A2ML1: variants seen among roughly 807,000 people sequenced by gnomAD.
A2ML1 encodes alpha-2-macroglobulin like 1.
In A2ML1, 161 loss-of-function variants were observed where a neutral mutation model predicts 181.9. That is an observed-to-expected ratio of 0.89 (90% CI 0.78 to 1.01). The LOEUF is 1.01. A2ML1 is among the 50% of genes least tolerant of loss of function. The pLI, the probability that A2ML1 is intolerant of heterozygous loss-of-function variation, is 0.00. For synonymous variants in A2ML1, 663 were observed against 666.8 expected, an observed-to-expected ratio of 0.99 and a Z score of 0.09; for missense variants, 1,670 against 1,768.1, an observed-to-expected ratio of 0.94 and a Z score of 1.00.
chr12:8,886,541 G>A (rs1476600356), exon 8 of A2ML1: 4 of 151,966 alleles, frequency 2.6e-5, no homozygotes, highest in Non-Finnish European at 5.9e-5. Context: ...CAATTGTGTG[G>A]TCCATGAACA....
In A2ML1 at chr12:8,850,108, A is replaced by C. The variant is rs374561104; in HGVS notation, c.2120-52A>C. ...TAATCCCTCCATCCCAATTTATGTCACAACAAGAAGTCTCCTGTTTCCTAA... is the reference window on the plus strand; with the variant it reads ...TAATCCCTCCATCCCAATTTATGTCCCAACAAGAAGTCTCCTGTTTCCTAA... On this transcript the variant is annotated intron_variant, in intron 17 of 35. Transcript: ENST00000299698. The C allele has an allele frequency of 5.6e-5, 78 of 1,398,100 alleles. 1 individual carries two copies. The African/African-American group carries it at 1.1e-3, about 20-fold the overall frequency. 86.6% of individuals were successfully genotyped at this position (1,398,100 alleles called of 1,614,324 possible).
chr12:8,832,620 G>A (rs73036986), intron 4 of A2ML1, among the ~76,000 whole-genome samples: 3,586 of 152,156 alleles, frequency 0.024, 77 homozygotes, highest in African/African-American at 0.062. Context: ...TTGCAAAGGC[G>A]GCTTCAGTCC....
In A2ML1 at chr12:8,863,843, C is replaced by A; in HGVS notation, c.3552C>A (p.Ser1184Arg). ...AACCTACTCCATCATCGAACGCCAG[C>A]CCTTGGTCTGAGCCTGCGGCTGTAG... Reference protein sequence around the residue: ...SQKPTPSSNASPWSEPAAVDV... With the variant: ...SQKPTPSSNARPWSEPAAVDV... The change falls in exon 29 of 36, where the codon AGC becomes AGA. Residue 1184 changes from serine (S) to arginine (R), a missense_variant. Coordinates refer to ENST00000299698, the MANE Select transcript of A2ML1 (RefSeq NM_144670.6). 1 of 1,614,234 alleles carries A rather than the reference C, an allele frequency of 6.2e-7. No individual in the cohort carries two copies. Among genetic ancestry groups the A allele is most frequent in the South Asian group, 1.1e-5 (1 of 91,088 alleles).
intron 3 of A2ML1, among the ~76,000 whole-genome samples, chr12:8,825,410 A>G (rs905095791): frequency 6.6e-6 from 1 of 152,210 alleles, no homozygotes; most frequent in Admixed American, 6.5e-5. Context: ...AGAAATGTCT[A>G]TTCAGATCTT....
chr12:8,858,645 G>A (rs1228525424), intron 26 of A2ML1, among the ~76,000 whole-genome samples: 3 of 152,124 alleles, frequency 2.0e-5, no homozygotes, highest in African/African-American at 7.2e-5. Flanking sequence ...CCCAGATCAG[G>A]AGCATTGGCA....
At chr12:8,827,435 TCTTTA>T (rs1302673366) in intron 3 of A2ML1, among the ~76,000 whole-genome samples, 2 of 152,230 alleles carry the variant, frequency 1.3e-5, no homozygotes, top group African/African-American at 4.8e-5. Flanking sequence ...CTCAACCTCC[TCTTTA>T]AAGTCAATAC....
intron 33 of A2ML1, among the ~76,000 whole-genome samples, chr12:8,870,624 T>C (rs990895947): frequency 2.0e-5 from 3 of 152,206 alleles, no homozygotes; most frequent in African/African-American, 7.2e-5. Flanking sequence ...CACTACCCTG[T>C]AATCATGATG....
intron 33 of A2ML1, among the ~76,000 whole-genome samples, chr12:8,872,544 GGC>G (rs1944661637): frequency 6.6e-6 from 1 of 151,992 alleles, no homozygotes; most frequent in Non-Finnish European, 1.5e-5. Context: ...CACTTTGGGA[GGC>G]CGAGGCGGGT....
At chr12:8,836,469 C>A in intron 7 of A2ML1, 130 bp downstream of exon 7, 1 of 572,896 alleles carries the variant, frequency 1.7e-6, no homozygotes, top group Non-Finnish European at 3.0e-6. Flanking sequence ...AGAGTCATGG[C>A]TTATCCAAGA....
At chr12:8,868,841 T>C (rs1944523609) in intron 32 of A2ML1, among the ~76,000 whole-genome samples, 1 of 152,104 alleles carries the variant, frequency 6.6e-6, no homozygotes, top group Non-Finnish European at 1.5e-5. Flanking sequence ...TATGTGATTA[T>C]ATATATGTGT....
rs1036937117 is a variant in A2ML1 at position 8,861,356 on chromosome 12, T to C, written c.3502+59T>C. 9 of 1,570,568 alleles carry C rather than the reference T, an allele frequency of 5.7e-6. No individual in the cohort carries two copies. The East Asian group carries it at 9.0e-5, about 16-fold the overall frequency. ...GTGAACATAAGCTGTGAGTTATCTA[T>C]AATCTCCCTAGTAACCTCTGTCCCA... is the stretch of plus-strand genomic sequence containing the variant. On this transcript the variant is annotated intron_variant, in intron 28 of 35. Transcript: ENST00000299698.
At chr12:8,837,683 C>G in intron 8 of A2ML1, 117 bp downstream of exon 8, 1 of 1,144,158 alleles carries the variant, frequency 8.7e-7, no homozygotes, top group Non-Finnish European at 1.2e-6. Flanking sequence ...AGTTTGAGAC[C>G]AGCCTGACCA....
chr12:8,883,535 T>TGGCACGATCTTGGCTCACTGCAAC (rs1407361702), intron 7 of A2ML1, among the ~76,000 whole-genome samples: 4 of 152,152 alleles, frequency 2.6e-5, no homozygotes, highest in Admixed American at 2.0e-4. Flanking sequence ...TGGAGTGCAA[T>TGGCACGATCTTGGCTCACTGCAAC]GGCACGATCT....
In A2ML1 at chr12:8,845,864, A is replaced by T. The variant is rs201678025; in HGVS notation, c.1538-213A>T. On this transcript the variant is annotated intron_variant, in intron 13 of 35. Transcript: ENST00000299698. ...GACTCCGTCTCAAAAAAAAAAAAAA[A>T]TAAATAAAATAAAATAAAATAAAAT... Among the ~76,000 whole-genome samples, 20 of 57,190 alleles carry T rather than the reference A, an allele frequency of 3.5e-4. 1 individual carries two copies. The highest frequency in any genetic ancestry group is 1.5e-3 in the African/African-American group (20 of 13,032). The allele number at this position is 57,190 out of a possible 152,430, so 37.5% of individuals were successfully genotyped here.
intron 4 of A2ML1, among the ~76,000 whole-genome samples, chr12:8,830,384 A>G (rs891836330): frequency 1.5e-4 from 22 of 147,316 alleles, no homozygotes; most frequent in African/African-American, 5.5e-4. Context: ...GCAAACTTCA[A>G]GACCTTTTCT....
chr12:8,824,909 A>C (rs1234946606), intron 3 of A2ML1, among the ~76,000 whole-genome samples: 1 of 152,158 alleles, frequency 6.6e-6, no homozygotes, highest in Non-Finnish European at 1.5e-5. Context: ...GCTGTTGCAA[A>C]GGATGGGGTC....
intron 29 of A2ML1, among the ~76,000 whole-genome samples, chr12:8,865,971 C>A (rs762473000): frequency 6.6e-6 from 1 of 152,080 alleles, no homozygotes; most frequent in African/African-American, 2.4e-5. Context: ...TAAATCAGAC[C>A]TGAAAGAATG....
In A2ML1 at chr12:8,869,146, A is replaced by G. The variant is rs777885489; in HGVS notation, c.4164A>G (p.Gln1388=). 1.2e-6 allele frequency: 2 copies of G among 1,613,990 alleles called. No homozygotes were observed. The highest frequency in any genetic ancestry group is 1.7e-6 in the Non-Finnish European group (2 of 1,179,986). The change falls in exon 33 of 36, where the codon CAA becomes CAG. Residue 1388 remains glutamine, a synonymous_variant. Transcript: ENST00000299698. ...CCTCTCTTATTCAGCTTCTCCAGCA[A>G]CCCCTGGTGAAGAAGGTTGAATTTG... ...MEGTNQLLLQ[Q]PLVKKVEFGT...
intron 14 of A2ML1, among the ~76,000 whole-genome samples, chr12:8,847,288 C>G (rs1943724985): frequency 6.9e-6 from 1 of 145,792 alleles, no homozygotes; most frequent in African/African-American, 2.5e-5. Flanking sequence ...GCCACATGTT[C>G]TATATAGTTA....
Sources: allele counts gnomAD v4.1 joint callset (sites outside exome capture counted in the v4.1 genomes callset), GRCh38; gene constraint gnomAD v4.1.1; transcripts MANE v1.5; gene names NCBI Gene and HGNC (gene_info 2026-07-23, HGNC 2026-07-21).